The following KIAA0232 variants were observed in gnomAD, a reference collection of about 807,000 sequenced individuals.
KIAA0232 encodes uncharacterized protein KIAA0232.
Under a neutral mutation model 122.0 loss-of-function variants are expected in KIAA0232, and 27 were observed. The observed-to-expected ratio is 0.22, with a 90% CI of 0.16 to 0.31. KIAA0232 has a LOEUF of 0.31. Among genes scored for constraint, KIAA0232 ranks in the 10% least tolerant of loss-of-function variants. The pLI is 1.00. For synonymous variants in KIAA0232, 613 were observed against 587.6 expected (o/e 1.04, Z -0.63); for missense variants, 1,551 against 1,634.2 (o/e 0.95, Z 0.88).
intron 4 of KIAA0232, among the ~76,000 whole-genome samples, chr4:6,843,927 C>CT (rs373793407): frequency 0.06 from 2,782 of 46,330 alleles, 777 homozygotes; most frequent in Non-Finnish European, 0.073. Context: ...AGTTACCCAT[C>CT]TTTTTTTTTT....
At chr4:6,812,751 C>T (rs1408385719) in intron 2 of KIAA0232, among the ~76,000 whole-genome samples, 1 of 152,014 alleles carries the variant, frequency 6.6e-6, no homozygotes, top group South Asian at 2.1e-4. Flanking sequence ...TCCACAAGGT[C>T]CACATTTTAC....
chr4:6,841,464 T>C (rs192899392), intron 3 of KIAA0232, among the ~76,000 whole-genome samples: 2 of 152,356 alleles, frequency 1.3e-5, no homozygotes, highest in African/African-American at 4.8e-5. Context: ...TAACCAAATA[T>C]GTTCAGTTAA....
chr4:6,819,936 A>G lies in KIAA0232; in HGVS notation c.-269-4249A>G, dbSNP rs1258057576. 5.9e-5 allele frequency among the ~76,000 whole-genome samples: 9 copies of G among 152,284 alleles called. No homozygotes were observed. The East Asian group carries it at 1.5e-3, about 26-fold the overall frequency. ...CAGCCATTAAAAAAAGAATGAAACCATGTCCTTTGCAGCAACGTGGATGCA... is the reference window on the plus strand; with the variant it reads ...CAGCCATTAAAAAAAGAATGAAACCGTGTCCTTTGCAGCAACGTGGATGCA... On this transcript the variant is annotated intron_variant, in intron 2 of 9. Coordinates refer to ENST00000307659, the MANE Select transcript of KIAA0232 (RefSeq NM_014743.3).
chr4:6,853,350 G>T (rs1720396054), intron 4 of KIAA0232, among the ~76,000 whole-genome samples: 1 of 152,172 alleles, frequency 6.6e-6, no homozygotes, highest in South Asian at 2.1e-4. Context: ...ATGGTAAACA[G>T]GTGACAAAAG....
chr4:6,882,145 G>A lies in KIAA0232; in HGVS notation c.*1179G>A, dbSNP rs1168439351. 6.6e-6 allele frequency: 1 copy of A among 152,282 alleles called. No homozygotes were observed. The highest frequency in any genetic ancestry group is 1.5e-5 in the Non-Finnish European group (1 of 68,042). The allele number at this position is 152,282 out of a possible 1,614,324, so 9.4% of individuals were successfully genotyped here. On this transcript the variant is annotated 3_prime_UTR_variant, in exon 10 of 10. Coordinates refer to ENST00000307659, the MANE Select transcript of KIAA0232 (RefSeq NM_014743.3). Reference sequence around the variant, plus strand: ...TCTGTGCATGGCGATCCGCTCCTCCGGCTCTCATGGCATTGTGCCACAGGC... The same window carrying A: ...TCTGTGCATGGCGATCCGCTCCTCCAGCTCTCATGGCATTGTGCCACAGGC...
rs1283500722 is a variant in KIAA0232 at position 6,861,752 on chromosome 4, A to G, written c.1370A>G (p.Lys457Arg). The G allele has an allele frequency of 1.2e-6, 2 of 1,614,072 alleles. No individual in the cohort carries two copies. The highest frequency in any genetic ancestry group is 1.7e-6 in the Non-Finnish European group (2 of 1,180,042). Reference sequence around the variant, plus strand: ...TGTATCAGCAACAATAATCTTCATAAAACATACCTCGCAGCAGGTACTTTC... The same window carrying G: ...TGTATCAGCAACAATAATCTTCATAGAACATACCTCGCAGCAGGTACTTTC... ...GLCISNNNLH[K>R]TYLAAGTFID... Residue 457 changes from lysine to arginine, a missense_variant, in exon 7 of 10, where the codon AAA (lysine) becomes AGA (arginine). Coordinates refer to ENST00000307659, the MANE Select transcript of KIAA0232 (RefSeq NM_014743.3).
chr4:6,822,296 A>C (rs1266142544), intron 2 of KIAA0232, among the ~76,000 whole-genome samples: 6 of 152,202 alleles, frequency 3.9e-5, no homozygotes, highest in African/African-American at 1.4e-4. Flanking sequence ...AAGTAGCAAA[A>C]CATGTATTAG....
chr4:6,799,294 A>G (rs1290887512), intron 1 of KIAA0232, among the ~76,000 whole-genome samples: 2 of 149,386 alleles, frequency 1.3e-5, no homozygotes, highest in African/African-American at 2.5e-5. Context: ...CTGATAATCT[A>G]GTATGACCTC....
Position 6,863,158 on chromosome 4 carries a change from AAC to A in KIAA0232, c.2780_2781del (p.Thr927IlefsTer15). On this transcript the variant is annotated frameshift_variant, in exon 7 of 10. Coordinates refer to ENST00000307659, the MANE Select transcript of KIAA0232 (RefSeq NM_014743.3). LOFTEE classifies it high-confidence loss of function. ...KPWDVAQDKE[N>X]TFILGGVYGE... ...CTGGGATGTAGCCCAAGATAAAGAA[AAC>A]ACATTCATTCTTGGAGGAGTTTATG... is the stretch of plus-strand genomic sequence containing the variant. The A allele has an allele frequency of 6.2e-7, 1 of 1,614,164 alleles. No homozygotes were observed. Among genetic ancestry groups the A allele is most frequent in the Non-Finnish European group, 8.5e-7 (1 of 1,180,036 alleles).
chr4:6,822,063 T>C (rs1433438007), intron 2 of KIAA0232, among the ~76,000 whole-genome samples: 5 of 152,152 alleles, frequency 3.3e-5, no homozygotes, highest in Admixed American at 3.3e-4. Flanking sequence ...TATAGTGTTC[T>C]AGGGGTCGTT....
At chr4:6,783,987 A>G (rs1004262729) in intron 1 of KIAA0232, among the ~76,000 whole-genome samples, 1 of 152,184 alleles carries the variant, frequency 6.6e-6, no homozygotes, top group Non-Finnish European at 1.5e-5. Context: ...CGCAGGTGAC[A>G]GGACCTGCCG....
At chr4:6,879,730 C>T (rs1721952153) in intron 9 of KIAA0232, among the ~76,000 whole-genome samples, 1 of 152,070 alleles carries the variant, frequency 6.6e-6, no homozygotes, top group Non-Finnish European at 1.5e-5. Flanking sequence ...GACAGTCCGA[C>T]ACCACAGAGT....
intron 1 of KIAA0232, among the ~76,000 whole-genome samples, chr4:6,796,307 T>C (rs1043433225): frequency 6.6e-6 from 1 of 152,076 alleles, no homozygotes; most frequent in African/African-American, 2.4e-5. Flanking sequence ...AGTGGCACGA[T>C]CTCAGCTCAC....
At chr4:6,838,493 A>C (rs1719469358) in intron 3 of KIAA0232, among the ~76,000 whole-genome samples, 1 of 152,170 alleles carries the variant, frequency 6.6e-6, no homozygotes, top group Admixed American at 6.6e-5. Flanking sequence ...GCCCCACCTA[A>C]AGATAGCTTT....
intron 2 of KIAA0232, among the ~76,000 whole-genome samples, chr4:6,808,400 G>C (rs1027656263): frequency 5.3e-5 from 8 of 150,534 alleles, no homozygotes; most frequent in Non-Finnish European, 1.0e-4. Context: ...CACCAGCAAT[G>C]TGAGTATGAA....
At chr4:6,854,996 G>A (rs931540346) in intron 4 of KIAA0232, among the ~76,000 whole-genome samples, 3 of 152,182 alleles carry the variant, frequency 2.0e-5, no homozygotes, top group African/African-American at 7.2e-5. Context: ...ACAACAAAGG[G>A]TGATGACAGC....
chr4:6,871,647 T>C lies in KIAA0232; in HGVS notation c.3875T>C (p.Leu1292Ser). Reference protein sequence around the residue: ...QEKQTWWEKALYSPLFPASEC... With the variant: ...QEKQTWWEKASYSPLFPASEC... ...AAACAGACCTGGTGGGAAAAAGCCTTGTACTCTCCTCTTTTTCCTGCATCA... is the reference window on the plus strand; with the variant it reads ...AAACAGACCTGGTGGGAAAAAGCCTCGTACTCTCCTCTTTTTCCTGCATCA... Residue 1292 changes from leucine to serine, a missense_variant, in exon 8 of 10, where the codon TTG becomes TCG. By Grantham distance (145) the Leu-to-Ser change is moderately radical (BLOSUM62 -2). Transcript: ENST00000307659. 1.2e-6 allele frequency: 2 copies of C among 1,611,386 alleles called. No individual in the cohort carries two copies. The highest frequency in any genetic ancestry group is 8.5e-7 in the Non-Finnish European group (1 of 1,177,562).
chr4:6,879,567 CA>C (rs1396989286), intron 9 of KIAA0232, among the ~76,000 whole-genome samples: 2 of 152,220 alleles, frequency 1.3e-5, no homozygotes, highest in African/African-American at 4.8e-5. Flanking sequence ...GGTTCTCAAC[CA>C]GGGGCAATGC....
intron 4 of KIAA0232, among the ~76,000 whole-genome samples, chr4:6,842,711 G>A (rs1445004624): frequency 2.0e-5 from 3 of 151,676 alleles, no homozygotes; most frequent in African/African-American, 4.8e-5. Context: ...TCAGCCTCCG[G>A]AGTAGCCAGA....
Sources: gnomAD v4.1 joint callset for allele counts (sites outside exome capture counted in the v4.1 genomes callset) on GRCh38, gnomAD v4.1.1 for gene constraint, MANE v1.5 for transcripts, NCBI Gene and HGNC (gene_info 2026-07-23, HGNC 2026-07-21) for gene names.